PTPRK: variants seen among roughly 807,000 people sequenced by gnomAD.
PTPRK encodes receptor-type tyrosine-protein phosphatase kappa.
A neutral mutation model predicts 178.0 loss-of-function variants in PTPRK; 75 were observed. The observed-to-expected ratio is 0.42, with a 90% CI of 0.35 to 0.51. The LOEUF (loss-of-function observed/expected upper bound fraction) is 0.51, where lower values mean the gene tolerates loss of function less well. Among genes scored for constraint, PTPRK ranks in the 20% least tolerant of loss-of-function variants. The pLI is 0.02. For synonymous variants in PTPRK, 637 were observed against 620.6 expected (o/e 1.03, Z -0.39); for missense variants, 1,441 against 1,797.8 (o/e 0.80, Z 3.59).
chr6:128,232,709 G>T (rs1211403328), intron 5 of PTPRK, among the ~76,000 whole-genome samples: 1 of 152,138 alleles, frequency 6.6e-6, no homozygotes, highest in Non-Finnish European at 1.5e-5. Context: ...ATATATTTGT[G>T]CCATGTGCCT....
intron 1 of PTPRK, among the ~76,000 whole-genome samples, chr6:128,400,108 T>C (rs995971860): frequency 2.6e-5 from 4 of 152,102 alleles, no homozygotes; most frequent in African/African-American, 9.7e-5. Flanking sequence ...ATAACTGGAC[T>C]GATAAATGAG....
At chr6:128,382,903 C>T (rs112221324) in intron 2 of PTPRK, among the ~76,000 whole-genome samples, 3,726 of 152,202 alleles carry the variant, frequency 0.024, 143 homozygotes, top group African/African-American at 0.084. Flanking sequence ...AAAAGAACTG[C>T]TCAGCCTGCG....
intron 5 of PTPRK, chr6:128,235,281 C>T: frequency 6.6e-6 from 1 of 150,598 alleles, no homozygotes; most frequent in Non-Finnish European, 1.5e-5. Flanking sequence ...ATAAATAATT[C>T]AAAAAATTCA....
intron 6 of PTPRK, among the ~76,000 whole-genome samples, chr6:128,190,221 A>AT (rs1302020290): frequency 6.6e-6 from 1 of 152,116 alleles, no homozygotes; most frequent in Non-Finnish European, 1.5e-5. Flanking sequence ...TGCAACCCAG[A>AT]TATATTTATG....
intron 1 of PTPRK, among the ~76,000 whole-genome samples, chr6:128,511,529 G>C (rs554792734): frequency 6.6e-6 from 1 of 152,058 alleles, no homozygotes; most frequent in African/African-American, 2.4e-5. Context: ...CACAGCCATC[G>C]TGCCTCTATA....
chr6:128,102,028 G>A (rs901141709), intron 7 of PTPRK, among the ~76,000 whole-genome samples: 3 of 152,100 alleles, frequency 2.0e-5, no homozygotes, highest in African/African-American at 7.2e-5. Context: ...TTGGGTGTTT[G>A]GGCCTCCTAT....
intron 5 of PTPRK, among the ~76,000 whole-genome samples, chr6:128,225,038 G>T (rs1811045386): frequency 1.3e-5 from 2 of 152,118 alleles, no homozygotes; most frequent in East Asian, 3.9e-4. Context: ...AAGAAATATG[G>T]TATAATTAAA....
intron 1 of PTPRK, chr6:128,500,612 CAT>C (rs1472953091): frequency 3.3e-5 from 5 of 152,174 alleles, no homozygotes; most frequent in Non-Finnish European, 5.9e-5. Context: ...TTTATATGAA[CAT>C]ATGTCTTTTT....
intron 6 of PTPRK, among the ~76,000 whole-genome samples, chr6:128,200,883 G>GGGAGGGAA (rs1243137943): frequency 2.7e-5 from 3 of 109,526 alleles, no homozygotes; most frequent in East Asian, 7.0e-4. Context: ...GGAGGAAGAA[G>GGGAGGGAA]GGAGGGAAGG....
At chr6:128,422,414 T>C (rs886735561) in intron 1 of PTPRK, among the ~76,000 whole-genome samples, 9 of 152,078 alleles carry the variant, frequency 5.9e-5, no homozygotes, top group East Asian at 3.9e-4. Context: ...GAAGATATCA[T>C]TGGGGTCTGT....
chr6:128,041,502 A>G (rs757237491), intron 13 of PTPRK, among the ~76,000 whole-genome samples: 12 of 152,070 alleles, frequency 7.9e-5, no homozygotes, highest in Non-Finnish European at 1.5e-4. Flanking sequence ...CTGGATTTTA[A>G]TACTTTTTCC....
At chr6:128,036,766 G>A (rs1414661393) in intron 13 of PTPRK, among the ~76,000 whole-genome samples, 6 of 148,982 alleles carry the variant, frequency 4.0e-5, no homozygotes, top group Non-Finnish European at 7.4e-5. Flanking sequence ...ATGGAGCTTC[G>A]CTCTTGTTAC....
chr6:128,446,724 T>C (rs1847079807), intron 1 of PTPRK, among the ~76,000 whole-genome samples: 1 of 152,170 alleles, frequency 6.6e-6, no homozygotes, highest in African/African-American at 2.4e-5. Context: ...AAATTAGCAA[T>C]GCTTCAAGCA....
chr6:128,312,788 C>A (rs1827431756), intron 3 of PTPRK, among the ~76,000 whole-genome samples: 1 of 150,890 alleles, frequency 6.6e-6, no homozygotes, highest in Non-Finnish European at 1.5e-5. Flanking sequence ...TCCCTAAACA[C>A]AGACTAGTGC....
At chr6:128,305,831 C>A (rs907978315) in intron 3 of PTPRK, among the ~76,000 whole-genome samples, 1 of 152,120 alleles carries the variant, frequency 6.6e-6, no homozygotes. Context: ...CTAATCAATC[C>A]CTCAGTATTT....
chr6:128,306,928 T>C (rs1181783189), intron 3 of PTPRK, among the ~76,000 whole-genome samples: 1 of 151,956 alleles, frequency 6.6e-6, no homozygotes, highest in African/African-American at 2.4e-5. Context: ...TTCGGAGGTC[T>C]GAGGTTCAGG....
At chr6:128,274,685 T>A (rs1313877725) in intron 3 of PTPRK, among the ~76,000 whole-genome samples, 1 of 151,992 alleles carries the variant, frequency 6.6e-6, no homozygotes, top group Non-Finnish European at 1.5e-5. Flanking sequence ...AAACAAATGG[T>A]TTAGAAATGC....
chr6:127,980,862 C>T (rs1464362048), intron 25 of PTPRK, among the ~76,000 whole-genome samples: 1 of 152,046 alleles, frequency 6.6e-6, no homozygotes. Flanking sequence ...TTATAACTTG[C>T]AATATTTACT....
intron 3 of PTPRK, among the ~76,000 whole-genome samples, chr6:128,315,039 C>A (rs906462294): frequency 1.3e-5 from 2 of 151,754 alleles, no homozygotes; most frequent in African/African-American, 4.8e-5. Context: ...GAACAACAAC[C>A]AAAAACAAAA....
Sources: allele counts gnomAD v4.1 joint callset (sites outside exome capture counted in the v4.1 genomes callset), GRCh38; gene constraint gnomAD v4.1.1; transcripts MANE v1.5; gene names NCBI Gene and HGNC (gene_info 2026-07-23, HGNC 2026-07-21).